Variants in P2RY12 observed in about 807,000 individuals in gnomAD.
The protein encoded by P2RY12 is P2Y purinoceptor 12.
In P2RY12, 3 loss-of-function variants were observed where a neutral mutation model predicts 4.5. The observed-to-expected ratio is 0.67, with a 90% confidence interval of 0.31 to 1.74. The LOEUF (loss-of-function observed/expected upper bound fraction) is 1.74, where lower values mean the gene tolerates loss of function less well. Ranked by LOEUF, P2RY12 falls within the 40% of genes most tolerant of loss-of-function variation. The pLI, the probability that P2RY12 is intolerant of heterozygous loss-of-function variation, is 0.09. For synonymous variants in P2RY12, 148 were observed against 154.1 expected (o/e 0.96, Z 0.29); for missense variants, 356 against 407.8 (o/e 0.87, Z 1.09).
chr3:151,357,174 G>A, intron 1 of P2RY12: 1 of 1,497,862 alleles, frequency 6.7e-7, no homozygotes, highest in Non-Finnish European at 9.0e-7. Flanking sequence ...TATTTGTTTT[G>A]GCACCTACAT....
At position 151,358,979 on chromosome 3, in the gene P2RY12, C is replaced by A. The variant is rs1483289239; in HGVS notation, c.-179-18219G>T. On this transcript the variant is annotated intron_variant, in intron 1 of 2. Coordinates refer to ENST00000302632, the MANE Select transcript of P2RY12 (RefSeq NM_022788.5). ...GAACAGATTTATTACAGGTTTATTA[C>A]AAAGGTATATTGCTTGGTGCTGAGG... is the stretch of plus-strand genomic sequence containing the variant. Among the ~76,000 whole-genome samples, 3 of 152,116 alleles carry A rather than the reference C, an allele frequency of 2.0e-5. No individual in the cohort carries two copies. The East Asian group carries it at 5.8e-4, about 29-fold the overall frequency.
chr3:151,339,880 G>A (rs1001823247), intron 2 of P2RY12, among the ~76,000 whole-genome samples: 10 of 152,062 alleles, frequency 6.6e-5, no homozygotes, highest in Admixed American at 5.9e-4. Context: ...TTTCACCAGA[G>A]ATAAGTGAAA....
At chr3:151,349,253 GA>G (rs139597859) in intron 1 of P2RY12, among the ~76,000 whole-genome samples, 1 of 152,008 alleles carries the variant, frequency 6.6e-6, no homozygotes, top group Non-Finnish European at 1.5e-5. Context: ...CCCACGTGGG[GA>G]AAAAAATGGT....
chr3:151,359,799 A>G (rs1474512007), intron 1 of P2RY12, among the ~76,000 whole-genome samples: 5 of 152,142 alleles, frequency 3.3e-5, no homozygotes, highest in Admixed American at 1.3e-4. Flanking sequence ...AGATGCACAG[A>G]TAGGTGAATG....
intron 1 of P2RY12, chr3:151,357,106 T>A (rs964734295): frequency 1.6e-5 from 15 of 917,350 alleles, no homozygotes; most frequent in Non-Finnish European, 2.4e-5. Context: ...ATTTAGGGAA[T>A]GTATTTGTAG....
At chr3:151,350,221 T>G in intron 1 of P2RY12, 1 of 1,612,084 alleles carries the variant, frequency 6.2e-7, no homozygotes, top group Non-Finnish European at 8.5e-7. Flanking sequence ...AGAACCTTAA[T>G]GCATTTGCTC....
intron 1 of P2RY12, chr3:151,360,750 T>C: frequency 1.4e-6 from 1 of 704,170 alleles, no homozygotes; most frequent in Non-Finnish European, 2.4e-6. Flanking sequence ...TCATGATTTG[T>C]TTAAACTGAA....
intron 1 of P2RY12, among the ~76,000 whole-genome samples, chr3:151,347,641 G>A (rs113585099): frequency 0.04 from 6,076 of 152,152 alleles, 312 homozygotes; most frequent in African/African-American, 0.12. Flanking sequence ...GAAGTGCCCT[G>A]GAGTCTTGGT....
rs767114062 is a variant in P2RY12, at chr3:151,338,410, C to A, written c.436G>T (p.Val146Phe). ...KNLLGAKILSVVIWAFMFLLS... is the reference protein window; with the variant it reads ...KNLLGAKILSFVIWAFMFLLS... ...AAGAACATGAATGCCCAGATGACAA[C>A]AGAGAGAATCTTAGCCCCCAAGAGA... The change falls in exon 3 of 3, where the codon GTT becomes TTT. Residue 146 changes from valine to phenylalanine, a missense_variant. Physicochemically the swap from Val to Phe is conservative, Grantham distance 50 (BLOSUM62 -1). Transcript: ENST00000302632. 1.2e-6 allele frequency: 2 copies of A among 1,613,960 alleles called. No homozygotes were observed. Among genetic ancestry groups the A allele is most frequent in the Admixed American group, 3.3e-5 (2 of 59,984 alleles).
At chr3:151,349,930 T>C in intron 1 of P2RY12, 1 of 673,288 alleles carries the variant, frequency 1.5e-6, no homozygotes, top group South Asian at 3.0e-5. Flanking sequence ...TTGAGGTGAA[T>C]TGAAGGGAGG....
chr3:151,342,551 A>G (rs1050152456), intron 1 of P2RY12, among the ~76,000 whole-genome samples: 5 of 152,206 alleles, frequency 3.3e-5, no homozygotes, highest in African/African-American at 1.2e-4. Context: ...TCTGTATTTT[A>G]GTGAGCCTTC....
chr3:151,338,228 A>G lies in P2RY12; in HGVS notation c.618T>C (p.Ile206=), dbSNP rs773010680. The change falls in exon 3 of 3, where the codon ATT becomes ATC. Residue 206 remains isoleucine, a synonymous_variant. Transcript: ENST00000302632. ...VIFWINFLIV[I]VCYTLITKEL... Reference sequence around the variant, plus strand: ...CTTTTGTAATGAGTGTATAACATACAATAACAATTAAGAAATTAATCCAGA... The same window carrying G: ...CTTTTGTAATGAGTGTATAACATACGATAACAATTAAGAAATTAATCCAGA... The G allele has an allele frequency of 6.8e-6, 11 of 1,614,024 alleles. No individual in the cohort carries two copies. The East Asian group carries it at 2.4e-4, about 36-fold the overall frequency.
rs576527573 is a variant in P2RY12 at position 151,343,105 on chromosome 3, G to A, written c.-179-2345C>T. ...CCTCTCCCACTAAGAGGCCCCAGTA[G>A]TGAGAAGTGAATCTCGTGTGGGATG... On this transcript the variant is annotated intron_variant, in intron 1 of 2. Transcript: ENST00000302632. Among the ~76,000 whole-genome samples, 11 of 152,210 alleles carry A rather than the reference G, an allele frequency of 7.2e-5. No homozygotes were observed. In the South Asian group the frequency reaches 1.2e-3, roughly 17 times the overall value.
chr3:151,384,622 G>A (rs542597547), intron 1 of P2RY12, 70 bp downstream of exon 1: 1 of 189,054 alleles, frequency 5.3e-6, no homozygotes, highest in East Asian at 1.5e-4. Context: ...AAAAAAAATT[G>A]TAAGAAAACA....
chr3:151,374,278 C>T (rs554161455), intron 1 of P2RY12, among the ~76,000 whole-genome samples: 21 of 152,252 alleles, frequency 1.4e-4, no homozygotes, highest in African/African-American at 4.6e-4. Flanking sequence ...TAGGGCGCAG[C>T]GGCTCAAGCC....
At chr3:151,372,787 T>G in intron 1 of P2RY12, 1 of 1,596,740 alleles carries the variant, frequency 6.3e-7, no homozygotes, top group Non-Finnish European at 8.6e-7. Flanking sequence ...TTAATTTGCC[T>G]TTTACTTTGA....
At chr3:151,351,345 C>T (rs1030920561) in intron 1 of P2RY12, among the ~76,000 whole-genome samples, 1 of 152,168 alleles carries the variant, frequency 6.6e-6, no homozygotes, top group African/African-American at 2.4e-5. Context: ...AGGTGATAGT[C>T]CTCAGAACAC....
chr3:151,340,365 T>A (rs1751657347), intron 2 of P2RY12, among the ~76,000 whole-genome samples: 1 of 152,200 alleles, frequency 6.6e-6, no homozygotes, highest in South Asian at 2.1e-4. Flanking sequence ...TAAGACCATT[T>A]ATATTTTATT....
rs1751402767 is a variant in P2RY12 at position 151,338,847 on chromosome 3, T to C, written c.-2A>G. 1 of 1,613,060 alleles carries C rather than the reference T, an allele frequency of 6.2e-7. No individual in the cohort carries two copies. The highest frequency in any genetic ancestry group is 1.3e-5 in the African/African-American group (1 of 75,004). On this transcript the variant is annotated 5_prime_UTR_variant, in exon 3 of 3. Transcript: ENST00000302632. ...GGTGAGGTTGTCGACGGCTTGCATT[T>C]CTTGTTGGTTACCTAGAGAACAAAA...
Sources: gnomAD v4.1 joint callset for allele counts (sites outside exome capture counted in the v4.1 genomes callset) on GRCh38, gnomAD v4.1.1 for gene constraint, MANE v1.5 for transcripts, NCBI Gene and HGNC (gene_info 2026-07-23, HGNC 2026-07-21) for gene names.